Variants in SNTG1 observed in about 807,000 individuals in gnomAD.
SNTG1 encodes gamma-1-syntrophin.
A neutral mutation model predicts 74.7 loss-of-function variants in SNTG1; 39 were observed. The observed-to-expected ratio is 0.52, with a 90% CI of 0.40 to 0.68. The LOEUF (loss-of-function observed/expected upper bound fraction) is 0.68. Ranked by LOEUF, SNTG1 falls within the 30% of genes least tolerant of loss-of-function variation. The pLI is 0.00. For synonymous variants in SNTG1, 254 were observed against 217.1 expected, an observed-to-expected ratio of 1.17 and a Z score of -1.49; for missense variants, 685 against 609.5, an observed-to-expected ratio of 1.12 and a Z score of -1.30.
intron 1 of SNTG1, among the ~76,000 whole-genome samples, chr8:49,929,209 A>G (rs1479132502): frequency 6.6e-6 from 1 of 152,222 alleles, no homozygotes; most frequent in East Asian, 1.9e-4. Flanking sequence ...TTTATTTTCA[A>G]CTTATAAATT....
At chr8:50,143,457 G>A (rs1296188481) in intron 1 of SNTG1, among the ~76,000 whole-genome samples, 2 of 152,182 alleles carry the variant, frequency 1.3e-5, no homozygotes, top group South Asian at 4.1e-4. Flanking sequence ...TCCTAACTAG[G>A]GTGACAAATA....
chr8:50,480,888 T>C (rs1196082697), intron 8 of SNTG1, among the ~76,000 whole-genome samples: 1 of 152,190 alleles, frequency 6.6e-6, no homozygotes, highest in Non-Finnish European at 1.5e-5. Flanking sequence ...TATTGGGATG[T>C]AGCTCAAATA....
intron 1 of SNTG1, among the ~76,000 whole-genome samples, chr8:50,097,454 G>A (rs1353527905): frequency 1.3e-5 from 2 of 152,088 alleles, no homozygotes; most frequent in African/African-American, 2.4e-5. Context: ...TTCCTTATAT[G>A]TCAGAGAAAT....
intron 1 of SNTG1, among the ~76,000 whole-genome samples, chr8:49,955,437 A>T: frequency 6.6e-6 from 1 of 152,212 alleles, no homozygotes; most frequent in East Asian, 1.9e-4. Context: ...GCACTATGGC[A>T]GGGTCCAGTG....
intron 13 of SNTG1, among the ~76,000 whole-genome samples, chr8:50,655,438 T>C (rs1217361377): frequency 2.6e-5 from 4 of 152,206 alleles, no homozygotes; most frequent in Admixed American, 1.3e-4. Flanking sequence ...GAAGTCTCTA[T>C]GTAATGCATA....
At chr8:50,411,742 T>A (rs892913895) in intron 4 of SNTG1, among the ~76,000 whole-genome samples, 5 of 152,172 alleles carry the variant, frequency 3.3e-5, no homozygotes, top group African/African-American at 1.2e-4. Flanking sequence ...TAGGGACATT[T>A]ACGTTCCTAA....
At chr8:50,247,121 T>A (rs780486819) in intron 2 of SNTG1, among the ~76,000 whole-genome samples, 1 of 152,182 alleles carries the variant, frequency 6.6e-6, no homozygotes, top group African/African-American at 2.4e-5. Context: ...ATCTTAGTCA[T>A]TGGTCCTTTT....
chr8:50,398,060 A>T (rs1563332444), intron 3 of SNTG1, among the ~76,000 whole-genome samples: 1 of 152,236 alleles, frequency 6.6e-6, no homozygotes, highest in Non-Finnish European at 1.5e-5. Flanking sequence ...AATGGAGTTT[A>T]TCCTTCTTCT....
At chr8:50,465,262 A>T (rs2093599980) in intron 8 of SNTG1, among the ~76,000 whole-genome samples, 2 of 152,196 alleles carry the variant, frequency 1.3e-5, no homozygotes, top group South Asian at 4.1e-4. Flanking sequence ...GTATATATGT[A>T]CAGCAGTATC....
In SNTG1 at chr8:50,588,501, A is replaced by G. The variant is rs552204389; in HGVS notation, c.811-2378A>G. Among the ~76,000 whole-genome samples the G allele has an allele frequency of 4.2e-3, 646 of 152,288 alleles. 8 individuals are homozygous for G. Among genetic ancestry groups the G allele is most frequent in the African/African-American group, 0.014 (585 of 41,556 alleles). On this transcript the variant is annotated intron_variant, in intron 12 of 18. Transcript: ENST00000642720. ...TTAGTTAAGTGTATATTTCCACTGA[A>G]ACATGAATAAACATGAATAGATTAT... is the stretch of plus-strand genomic sequence containing the variant.
At chr8:50,294,076 T>C (rs1372335419) in intron 2 of SNTG1, among the ~76,000 whole-genome samples, 2 of 152,148 alleles carry the variant, frequency 1.3e-5, no homozygotes, top group African/African-American at 4.8e-5. Flanking sequence ...GTTGTGCAAA[T>C]AGGTACACAT....
At chr8:49,961,355 C>A (rs1008183851) in intron 1 of SNTG1, among the ~76,000 whole-genome samples, 4 of 152,250 alleles carry the variant, frequency 2.6e-5, no homozygotes, top group Admixed American at 6.5e-5. Context: ...GGCCCAGAAT[C>A]CACTGTGGAT....
rs566247726 is a variant in SNTG1, at chr8:50,501,309, A to T, written c.364-1469A>T. On this transcript the variant is annotated intron_variant, in intron 8 of 18. Transcript: ENST00000642720. ...TGTCCAGTGCTGGCCTGAGACCCCA[A>T]TCAGATTTTCCTTCTCCTTCTGTCT... 1.5e-3 allele frequency among the ~76,000 whole-genome samples: 232 copies of T among 151,492 alleles called. 1 individual carries two copies. Among genetic ancestry groups the T allele is most frequent in the African/African-American group, 5.4e-3 (221 of 41,298 alleles).
intron 15 of SNTG1, among the ~76,000 whole-genome samples, chr8:50,688,120 A>G (rs960412971): frequency 2.0e-5 from 3 of 151,694 alleles, no homozygotes; most frequent in Admixed American, 2.0e-4. Context: ...TTTTTCTTGT[A>G]AATTTGTTTG....
chr8:50,073,585 T>G (rs1461914105), intron 1 of SNTG1, among the ~76,000 whole-genome samples: 1 of 152,142 alleles, frequency 6.6e-6, no homozygotes, highest in African/African-American at 2.4e-5. Flanking sequence ...GGTTTTCAAT[T>G]TACTTTGCCA....
intron 12 of SNTG1, among the ~76,000 whole-genome samples, chr8:50,572,196 G>A (rs532099701): frequency 1.1e-4 from 17 of 151,322 alleles, no homozygotes; most frequent in Admixed American, 2.0e-4. Flanking sequence ...ATAGCATCTT[G>A]TTATAATACT....
chr8:50,557,832 C>T (rs2094465448), intron 12 of SNTG1, among the ~76,000 whole-genome samples: 1 of 152,218 alleles, frequency 6.6e-6, no homozygotes, highest in African/African-American at 2.4e-5. Context: ...ACAGTTCTGT[C>T]TGATTTTTGT....
chr8:50,158,925 A>G (rs1012165570), intron 1 of SNTG1, among the ~76,000 whole-genome samples: 1 of 152,162 alleles, frequency 6.6e-6, no homozygotes, highest in Non-Finnish European at 1.5e-5. Flanking sequence ...ATTATTTTAC[A>G]AATTTATGTT....
intron 17 of SNTG1, among the ~76,000 whole-genome samples, chr8:50,729,051 G>A (rs1034849974): frequency 1.2e-4 from 18 of 152,226 alleles, no homozygotes; most frequent in Middle Eastern, 6.8e-3. Context: ...GCAAATCTTC[G>A]CCTTTTGTTC....
Sources: allele counts gnomAD v4.1 joint callset (sites outside exome capture counted in the v4.1 genomes callset), GRCh38; gene constraint gnomAD v4.1.1; transcripts MANE v1.5; gene names NCBI Gene and HGNC (gene_info 2026-07-23, HGNC 2026-07-21).